SLC25A37: variants seen among roughly 807,000 people sequenced by gnomAD.
SLC25A37 encodes the protein mitoferrin-1.
A neutral mutation model predicts 31.0 loss-of-function variants in SLC25A37; 17 were observed. The observed-to-expected ratio is 0.55, with a 90% confidence interval of 0.38 to 0.82. The LOEUF is 0.82. Among genes scored for constraint, SLC25A37 ranks in the 40% least tolerant of loss-of-function variants. The pLI, the probability that SLC25A37 is intolerant of heterozygous loss-of-function variation, is 0.00. For missense variants in SLC25A37, 404 were observed against 465.8 expected (o/e 0.87, Z 1.22); for synonymous variants, 222 against 193.0 (o/e 1.15, Z -1.24).
chr8:23,543,978 A>G (rs1200514650), intron 1 of SLC25A37, among the ~76,000 whole-genome samples: 1 of 151,904 alleles, frequency 6.6e-6, no homozygotes, highest in Non-Finnish European at 1.5e-5. Context: ...CTCCTGCCTC[A>G]GCCTCCCGAG....
intron 3 of SLC25A37, 72 bp downstream of exon 3, chr8:23,568,450 G>T: frequency 6.4e-7 from 1 of 1,574,022 alleles, no homozygotes; most frequent in Non-Finnish European, 8.7e-7. Context: ...TTGTGGGAGA[G>T]TGGAGAGGAC....
intron 1 of SLC25A37, among the ~76,000 whole-genome samples, chr8:23,548,725 C>A (rs976364287): frequency 6.6e-6 from 1 of 152,186 alleles, no homozygotes; most frequent in South Asian, 2.1e-4. Context: ...TCACCTCAGC[C>A]TCCTAAAGTG....
At chr8:23,544,474 G>A (rs1045506765) in intron 1 of SLC25A37, among the ~76,000 whole-genome samples, 17 of 152,156 alleles carry the variant, frequency 1.1e-4, no homozygotes, top group African/African-American at 3.4e-4. Context: ...CTAAGGAGAC[G>A]GAGGCTTGAC....
chr8:23,555,766 G>A (rs1802347544), intron 1 of SLC25A37, among the ~76,000 whole-genome samples: 1 of 152,174 alleles, frequency 6.6e-6, no homozygotes, highest in Admixed American at 6.5e-5. Flanking sequence ...GGGACCATTC[G>A]GGGACATTGG....
At chr8:23,551,819 T>C (rs369857336) in intron 1 of SLC25A37, among the ~76,000 whole-genome samples, 2 of 152,264 alleles carry the variant, frequency 1.3e-5, no homozygotes, top group East Asian at 1.9e-4. Flanking sequence ...TCCTTCCAGC[T>C]TTGAGGTCCT....
At chr8:23,571,032 A>G (rs566439157) in intron 3 of SLC25A37, among the ~76,000 whole-genome samples, 1 of 152,326 alleles carries the variant, frequency 6.6e-6, no homozygotes, top group South Asian at 2.1e-4. Context: ...CAGCGACTCT[A>G]GTCTGAAGTG....
intron 1 of SLC25A37, among the ~76,000 whole-genome samples, chr8:23,536,870 C>A (rs1251497147): frequency 6.6e-6 from 1 of 152,180 alleles, no homozygotes; most frequent in Admixed American, 6.5e-5. Context: ...TGGATGTCTC[C>A]TCTTCCTTGA....
Position 23,574,152 on chromosome 8 carries a change from G to C in SLC25A37, c.*2297G>C, listed in dbSNP as rs901576949. ...TTGATTTCTCTAGGAGCACTCCTTT[G>C]GTTAGAGGGATGCAAGAAGGAGAGG... On this transcript the variant is annotated 3_prime_UTR_variant, in exon 4 of 4. Transcript: ENST00000519973. The C allele has an allele frequency of 8.0e-5, 24 of 298,194 alleles. No homozygotes were observed. Among genetic ancestry groups the C allele is most frequent in the African/African-American group, 3.1e-4 (14 of 45,848 alleles). 18.5% of individuals were successfully genotyped at this position (298,194 alleles called of 1,614,324 possible).
At chr8:23,540,343 G>A (rs1253908090) in intron 1 of SLC25A37, among the ~76,000 whole-genome samples, 1 of 152,212 alleles carries the variant, frequency 6.6e-6, no homozygotes, top group Non-Finnish European at 1.5e-5. Flanking sequence ...CCTTGAGCTG[G>A]ATTCTAGAAT....
chr8:23,529,108 T>A lies in SLC25A37; in HGVS notation c.106T>A (p.Tyr36Asn). The change falls in exon 1 of 4, where the codon TAC becomes AAC. Residue 36 changes from tyrosine to asparagine, a missense_variant. By Grantham distance (143) the Tyr-to-Asn change is moderately radical. This residue lies in a region of SLC25A37 where 154 missense variants were observed against 153.6 expected (regional missense o/e 1.00). Transcript: ENST00000519973. The surrounding 1 kb of genome is among the most constrained non-coding windows in gnomAD (Gnocchi z 4.1). ...GGKDATGSED[Y>N]ENLPTSASVS... ...CAAGGACGCCACCGGGTCGGAGGACTACGAGAACCTGCCGACTAGCGCCTC... is the reference window on the plus strand; with the variant it reads ...CAAGGACGCCACCGGGTCGGAGGACAACGAGAACCTGCCGACTAGCGCCTC... 6.2e-7 allele frequency: 1 copy of A among 1,610,270 alleles called. No homozygotes were observed.
At position 23,573,619 on chromosome 8, in the gene SLC25A37, A is replaced by G; in HGVS notation, c.*1764A>G. On this transcript the variant is annotated 3_prime_UTR_variant, in exon 4 of 4. Transcript: ENST00000519973. ...GAGAATTTCCATCTTGGGACCATGC[A>G]CACAGTGCCTTGGGGAGTAGATTTT... 2.8e-6 allele frequency: 1 copy of G among 355,238 alleles called. No individual in the cohort carries two copies. Among genetic ancestry groups the G allele is most frequent in the Non-Finnish European group, 5.8e-6 (1 of 173,406 alleles). The allele number at this position is 355,238 out of a possible 1,614,324, so 22.0% of individuals were successfully genotyped here. A position where few individuals can be genotyped will look rare whatever the true frequency, so the allele number is the denominator to read the frequency against.
chr8:23,547,141 A>G (rs548962091), intron 1 of SLC25A37, among the ~76,000 whole-genome samples: 2 of 152,248 alleles, frequency 1.3e-5, no homozygotes, highest in Non-Finnish European at 2.9e-5. Flanking sequence ...CCCACAAGTT[A>G]CTGCAAAGCT....
intron 1 of SLC25A37, among the ~76,000 whole-genome samples, chr8:23,534,007 G>A (rs1249619467): frequency 1.3e-5 from 2 of 152,018 alleles, no homozygotes; most frequent in South Asian, 2.1e-4. Context: ...GAGAGTAGTG[G>A]TGTGATTGCA....
At chr8:23,558,671 CA>C (rs1802430579) in intron 1 of SLC25A37, among the ~76,000 whole-genome samples, 1 of 152,228 alleles carries the variant, frequency 6.6e-6, no homozygotes, top group Non-Finnish European at 1.5e-5. Flanking sequence ...CAGATACAGA[CA>C]GAGTTCATAT....
chr8:23,554,948 G>T (rs1802324337), intron 1 of SLC25A37, among the ~76,000 whole-genome samples: 1 of 152,158 alleles, frequency 6.6e-6, no homozygotes. Flanking sequence ...CATAGCCATG[G>T]AAGACACCTG....
intron 1 of SLC25A37, among the ~76,000 whole-genome samples, chr8:23,542,669 G>A (rs1801926978): frequency 7.3e-6 from 1 of 136,552 alleles, no homozygotes; most frequent in Admixed American, 8.1e-5. Context: ...GTGAGCCACC[G>A]CCCCTGGCCT....
intron 1 of SLC25A37, among the ~76,000 whole-genome samples, chr8:23,537,824 A>C (rs894774325): frequency 6.6e-6 from 1 of 152,188 alleles, no homozygotes; most frequent in Non-Finnish European, 1.5e-5. Context: ...GCAAGCCTGC[A>C]GAAAGACAGG....
intron 1 of SLC25A37, among the ~76,000 whole-genome samples, chr8:23,542,712 A>AT (rs1801929697): frequency 6.7e-6 from 1 of 149,404 alleles, no homozygotes; most frequent in African/African-American, 2.5e-5. Flanking sequence ...TTAATTGTAA[A>AT]AGAGCCTCAG....
In SLC25A37 at chr8:23,549,021, A is replaced by T. The variant is rs7823032; in HGVS notation, c.211-17087A>T. 3.8e-4 allele frequency among the ~76,000 whole-genome samples: 58 copies of T among 152,050 alleles called. No homozygotes were observed. In the East Asian group the frequency reaches 7.6e-3, roughly 20 times the overall value. On this transcript the variant is annotated intron_variant, in intron 1 of 3. Transcript: ENST00000519973. ...CCAAATCTAAATGAGGTCCCCCTGC[A>T]TTTGCCCTCATTGCACCTTCTACTT...
Sources: allele counts gnomAD v4.1 joint callset (sites outside exome capture counted in the v4.1 genomes callset), GRCh38; gene constraint gnomAD v4.1.1; regional missense constraint gnomAD v4.1.1; non-coding constraint Gnocchi (gnomAD v3.1); transcripts MANE v1.5; gene names NCBI Gene and HGNC (gene_info 2026-07-23, HGNC 2026-07-21).